Variants in TMEM132C observed in about 807,000 individuals in gnomAD.
TMEM132C encodes the protein protein phosphatase 1, regulatory subunit 152.
In TMEM132C, 29 loss-of-function variants were observed where a neutral mutation model predicts 61.4. That is an observed-to-expected ratio of 0.47 (90% CI 0.35 to 0.64). The LOEUF (loss-of-function observed/expected upper bound fraction) is 0.64, where lower values mean the gene tolerates loss of function less well. Ranked by LOEUF, TMEM132C falls within the 30% of genes least tolerant of loss-of-function variation. TMEM132C has a pLI of 0.00. For synonymous variants in TMEM132C, 656 were observed against 633.1 expected (o/e 1.04, Z -0.54); for missense variants, 1,408 against 1,476.9 (o/e 0.95, Z 0.76).
intron 1 of TMEM132C, among the ~76,000 whole-genome samples, chr12:128,300,952 G>A (rs945248625): frequency 6.6e-6 from 1 of 152,138 alleles, no homozygotes; most frequent in East Asian, 1.9e-4. Flanking sequence ...GAGGTGGGAG[G>A]ATATCTTGAG....
intron 1 of TMEM132C, among the ~76,000 whole-genome samples, chr12:128,291,135 CGAG>C (rs1277626016): frequency 6.6e-6 from 1 of 152,170 alleles, no homozygotes; most frequent in Non-Finnish European, 1.5e-5. Context: ...CCCAAATTCT[CGAG>C]GGACATTCTT....
At chr12:128,358,859 A>T (rs567176367) in intron 1 of TMEM132C, among the ~76,000 whole-genome samples, 1 of 152,270 alleles carries the variant, frequency 6.6e-6, no homozygotes, top group Admixed American at 6.5e-5. Context: ...ATGTTAACTG[A>T]ATTTGCTTTC....
At chr12:128,601,989 G>A (rs995969847) in intron 3 of TMEM132C, among the ~76,000 whole-genome samples, 1 of 152,098 alleles carries the variant, frequency 6.6e-6, no homozygotes, top group Non-Finnish European at 1.5e-5. Flanking sequence ...AAGGCAGGAG[G>A]ATTGCTCGAG....
At chr12:128,470,629 A>G (rs1870918509) in intron 2 of TMEM132C, among the ~76,000 whole-genome samples, 1 of 152,224 alleles carries the variant, frequency 6.6e-6, no homozygotes, top group South Asian at 2.1e-4. Context: ...TTGATACATG[A>G]ACTACACGCA....
intron 2 of TMEM132C, among the ~76,000 whole-genome samples, chr12:128,432,011 T>C (rs1224654363): frequency 6.6e-6 from 1 of 152,162 alleles, no homozygotes; most frequent in East Asian, 1.9e-4. Context: ...TGTCGATAAA[T>C]GGAACCACAA....
chr12:128,387,408 G>A (rs1874621380), intron 1 of TMEM132C, among the ~76,000 whole-genome samples: 1 of 152,170 alleles, frequency 6.6e-6, no homozygotes, highest in South Asian at 2.1e-4. Flanking sequence ...TGCCTGGGAG[G>A]GAACCGCACA....
In TMEM132C at chr12:128,417,375, G is replaced by A. The variant is rs142393246; in HGVS notation, c.974+1755G>A. On this transcript the variant is annotated intron_variant, in intron 2 of 8. Coordinates refer to ENST00000435159, the MANE Select transcript of TMEM132C (RefSeq NM_001136103.3). ...AGGGTGAGCATGAGCCAAGCCACCT[G>A]GGTCCCTAGGTCTAAGGTCCACAAC... Among the ~76,000 whole-genome samples the A allele has an allele frequency of 4.8e-3, 727 of 152,252 alleles. 3 individuals carry two copies. Among genetic ancestry groups the A allele is most frequent in the African/African-American group, 0.016 (675 of 41,542 alleles).
At chr12:128,433,582 T>G (rs1416236736) in intron 2 of TMEM132C, among the ~76,000 whole-genome samples, 1 of 152,224 alleles carries the variant, frequency 6.6e-6, no homozygotes, top group East Asian at 1.9e-4. Context: ...AAAAATTAGA[T>G]AAGTTTTCCT....
At chr12:128,635,462 C>CTTTTTTTT (rs372811916) in intron 4 of TMEM132C, among the ~76,000 whole-genome samples, 24 of 130,436 alleles carry the variant, frequency 1.8e-4, no homozygotes, top group African/African-American at 6.0e-4. Flanking sequence ...TGAGTTTTTT[C>CTTTTTTTT]TTTTTTTTTT....
chr12:128,426,298 A>G (rs948616757), intron 2 of TMEM132C, among the ~76,000 whole-genome samples: 1 of 152,212 alleles, frequency 6.6e-6, no homozygotes, highest in African/African-American at 2.4e-5. Context: ...ATATCTGAGG[A>G]TATGAGAAAC....
At chr12:128,496,165 A>G (rs556692271) in intron 2 of TMEM132C, among the ~76,000 whole-genome samples, 2 of 152,130 alleles carry the variant, frequency 1.3e-5, no homozygotes, top group East Asian at 1.9e-4. Flanking sequence ...TTGGCCCCCA[A>G]TCTCTTCTGG....
In TMEM132C at chr12:128,705,903, G is replaced by A. The variant is rs767308252; in HGVS notation, c.2935G>A (p.Glu979Lys). Residue 979 changes from glutamate to lysine, a missense_variant, in exon 9 of 9, where the codon GAA (glutamate) becomes AAA (lysine). Transcript: ENST00000435159. ...HDWVWLGNEAELLESMGDAPP... is the reference protein window; with the variant it reads ...HDWVWLGNEAKLLESMGDAPP... ...CTGGGTGTGGCTTGGCAATGAGGCC[G>A]AACTCCTGGAGAGCATGGGGGATGC... is the stretch of plus-strand genomic sequence containing the variant. 5.2e-6 allele frequency: 8 copies of A among 1,551,222 alleles called. No homozygotes were observed. The highest frequency in any genetic ancestry group is 2.4e-5 in the South Asian group (2 of 84,056).
At chr12:128,340,505 G>A (rs2135953295) in intron 1 of TMEM132C, among the ~76,000 whole-genome samples, 1 of 152,010 alleles carries the variant, frequency 6.6e-6, no homozygotes, top group Admixed American at 6.5e-5. Context: ...TAAGACCAGG[G>A]TGATACATAG....
intron 2 of TMEM132C, among the ~76,000 whole-genome samples, chr12:128,542,121 G>A (rs1293169129): frequency 2.0e-5 from 3 of 152,082 alleles, no homozygotes; most frequent in African/African-American, 7.2e-5. Flanking sequence ...ACAAACTCCT[G>A]AGTCTGGGGG....
Position 128,693,911 on chromosome 12 carries a change from A to G in TMEM132C, c.1532A>G (p.Gln511Arg). Residue 511 changes from glutamine to arginine, a missense_variant, in exon 6 of 9, where the codon CAG becomes CGG. Coordinates refer to ENST00000435159, the MANE Select transcript of TMEM132C (RefSeq NM_001136103.3). ...GATGCGGTGGTGAACTTCACATACC[A>G]GTACCTGAGCGCCCCCCTGTGTGTC... Reference protein sequence around the residue: ...KMDAVVNFTYQYLSAPLCVTV... With the variant: ...KMDAVVNFTYRYLSAPLCVTV... 2 of 1,551,786 alleles carry G rather than the reference A, an allele frequency of 1.3e-6. No homozygotes were observed. The highest frequency in any genetic ancestry group is 1.4e-5 in the African/African-American group (1 of 73,164).
chr12:128,556,272 G>T (rs1874328088), intron 3 of TMEM132C, among the ~76,000 whole-genome samples: 1 of 152,154 alleles, frequency 6.6e-6, no homozygotes, highest in Non-Finnish European at 1.5e-5. Context: ...ATCCCATCAA[G>T]ACTACCTACC....
At chr12:128,271,237 G>A (rs1262245447) in intron 1 of TMEM132C, among the ~76,000 whole-genome samples, 2 of 150,494 alleles carry the variant, frequency 1.3e-5, no homozygotes, top group Non-Finnish European at 3.0e-5. Flanking sequence ...CTGGGTGACA[G>A]AGTAAGACTT....
chr12:128,371,407 G>C (rs540616903), intron 1 of TMEM132C, among the ~76,000 whole-genome samples: 20 of 152,236 alleles, frequency 1.3e-4, no homozygotes, highest in Non-Finnish European at 2.4e-4. Context: ...TTCCAAGATG[G>C]GCATGTAACA....
chr12:128,440,165 G>A (rs553892100), intron 2 of TMEM132C, among the ~76,000 whole-genome samples: 1 of 152,280 alleles, frequency 6.6e-6, no homozygotes, highest in African/African-American at 2.4e-5. Context: ...GGGGCTATCC[G>A]TGTTGGAGTC....
Sources: allele counts gnomAD v4.1 joint callset (sites outside exome capture counted in the v4.1 genomes callset), GRCh38; gene constraint gnomAD v4.1.1; transcripts MANE v1.5; gene names NCBI Gene and HGNC (gene_info 2026-07-23, HGNC 2026-07-21).